DOCK5: variants seen among roughly 807,000 people sequenced by gnomAD.
DOCK5 encodes the protein dedicator of cytokinesis protein 5.
A neutral mutation model predicts 251.8 loss-of-function variants in DOCK5; 142 were observed. That is an observed-to-expected ratio of 0.56 (90% confidence interval 0.49 to 0.65). DOCK5 has a LOEUF of 0.65. Ranked by LOEUF, DOCK5 falls within the 30% of genes least tolerant of loss-of-function variation. The probability of loss-of-function intolerance (pLI) is 0.00; values close to 1 mark genes in which losing one functional copy is unlikely to be tolerated. For missense variants in DOCK5, 2,111 were observed against 2,312.3 expected, an observed-to-expected ratio of 0.91 and a Z score of 1.79; for synonymous variants, 842 against 835.5, an observed-to-expected ratio of 1.01 and a Z score of -0.13.
rs1223311690 is a variant in DOCK5 at position 25,243,666 on chromosome 8, A to G, written c.44-8A>G. On this transcript the variant is annotated splice_region_variant and splice_polypyrimidine_tract_variant and intron_variant, in intron 1 of 51. Coordinates refer to ENST00000276440, the MANE Select transcript of DOCK5 (RefSeq NM_024940.8). ...TTCTAATTTCCCTTTTTTATTTCTC[A>G]TTTCCAGCGATCTATAACTACAATG... is the stretch of plus-strand genomic sequence containing the variant. The G allele has an allele frequency of 5.0e-6, 8 of 1,611,812 alleles. No individual in the cohort carries two copies. The highest frequency in any genetic ancestry group is 1.3e-5 in the African/African-American group (1 of 74,806).
At position 25,346,755 on chromosome 8, in the gene DOCK5, C is replaced by T. The variant is rs1225034290; in HGVS notation, c.2754+1144C>T. On this transcript the variant is annotated intron_variant, in intron 26 of 51. Coordinates refer to ENST00000276440, the MANE Select transcript of DOCK5 (RefSeq NM_024940.8). ...AGGAGAATCCCTTGAACCTGGGAGG[C>T]GGAGGTTGCAGTGAGCCAAGATTGT... is the stretch of plus-strand genomic sequence containing the variant. Among the ~76,000 whole-genome samples, 3 of 97,146 alleles carry T rather than the reference C, an allele frequency of 3.1e-5. 1 individual carries two copies. Among genetic ancestry groups the T allele is most frequent in the Admixed American group, 2.0e-4 (2 of 10,202 alleles). The allele number at this position is 97,146 out of a possible 152,430, so 63.7% of individuals were successfully genotyped here. A position where few individuals can be genotyped will look rare whatever the true frequency, so the allele number is the denominator to read the frequency against.
At chr8:25,225,092 C>G (rs1450707808) in intron 1 of DOCK5, among the ~76,000 whole-genome samples, 1 of 152,090 alleles carries the variant, frequency 6.6e-6, no homozygotes, top group Admixed American at 6.5e-5. Flanking sequence ...AAACAAAAAC[C>G]AAAATAAATG....
rs187211115 is a variant in DOCK5, at chr8:25,405,682, T to C, written c.5093+1958T>C. 4.6e-5 allele frequency among the ~76,000 whole-genome samples: 7 copies of C among 152,356 alleles called. 1 individual carries two copies. ...CCTATTGCTATTTTTATTAGGATCA[T>C]GTTAAATGTATGGACTAACTTTAGG... On this transcript the variant is annotated intron_variant, in intron 48 of 51. Transcript: ENST00000276440.
intron 16 of DOCK5, among the ~76,000 whole-genome samples, chr8:25,321,634 C>T (rs775822860): frequency 6.6e-6 from 1 of 152,002 alleles, no homozygotes. Context: ...CAACAGGAGG[C>T]GGAGCTCAGG....
intron 1 of DOCK5, among the ~76,000 whole-genome samples, chr8:25,189,352 C>T (rs1424539376): frequency 6.6e-6 from 1 of 151,916 alleles, no homozygotes; most frequent in African/African-American, 2.4e-5. Flanking sequence ...AGCCATGAGC[C>T]TGGCTGATTT....
chr8:25,279,980 G>A (rs1804146845), intron 5 of DOCK5, among the ~76,000 whole-genome samples: 1 of 152,162 alleles, frequency 6.6e-6, no homozygotes, highest in Non-Finnish European at 1.5e-5. Context: ...GGGCAGGCTG[G>A]TCTTGAACTC....
At position 25,304,206 on chromosome 8, in the gene DOCK5, T is replaced by G. The variant is rs374271715; in HGVS notation, c.977-49T>G. 5.4e-6 allele frequency: 8 copies of G among 1,470,598 alleles called. No individual in the cohort carries two copies. In the African/African-American group the frequency reaches 1.1e-4, roughly 21 times the overall value. 91.1% of individuals were successfully genotyped at this position (1,470,598 alleles called of 1,614,324 possible). A position where few individuals can be genotyped will look rare whatever the true frequency, so the allele number is the denominator to read the frequency against. On this transcript the variant is annotated intron_variant, in intron 10 of 51. Transcript: ENST00000276440. ...ACTGTCCTTTTCCATAGTAACTTAC[T>G]GAGGCATGAAGCAATTAGTTTCTTT... is the stretch of plus-strand genomic sequence containing the variant.
intron 30 of DOCK5, among the ~76,000 whole-genome samples, chr8:25,366,616 C>T (rs939992044): frequency 1.3e-5 from 2 of 152,162 alleles, no homozygotes; most frequent in Non-Finnish European, 2.9e-5. Context: ...TAAATAGATA[C>T]ACTTCTTGGC....
intron 5 of DOCK5, among the ~76,000 whole-genome samples, chr8:25,288,075 G>A (rs193029800): frequency 2.6e-4 from 39 of 152,012 alleles, no homozygotes; most frequent in African/African-American, 9.2e-4. Context: ...TAGTAGAGAC[G>A]GGGTTTCACC....
Position 25,254,773 on chromosome 8 carries a change from C to CAAAAAAAAAAAAA in DOCK5, c.127+11025_127+11026insAAAAAAAAAAAAA, listed in dbSNP as rs745860086. Among the ~76,000 whole-genome samples, 5 of 6,566 alleles carry CAAAAAAAAAAAAA rather than the reference C, an allele frequency of 7.6e-4. 2 individuals are homozygous for CAAAAAAAAAAAAA. The highest frequency in any genetic ancestry group is 9.2e-4 in the African/African-American group (2 of 2,168). The allele number at this position is 6,566 out of a possible 152,430, so 4.3% of individuals were successfully genotyped here. A position where few individuals can be genotyped will look rare whatever the true frequency, so the allele number is the denominator to read the frequency against. ...CTGGCGACAAAGCAAGACTTTGTCT[C>CAAAAAAAAAAAAA]AAAAAAAAACAAAACAAAACAAAAA... is the stretch of plus-strand genomic sequence containing the variant. On this transcript the variant is annotated intron_variant, in intron 2 of 51. Transcript: ENST00000276440.
intron 31 of DOCK5, among the ~76,000 whole-genome samples, chr8:25,367,889 T>C (rs1294792101): frequency 6.6e-6 from 1 of 152,168 alleles, no homozygotes; most frequent in Non-Finnish European, 1.5e-5. Flanking sequence ...TTTTCATCAG[T>C]GTTTGCCGTG....
intron 13 of DOCK5, among the ~76,000 whole-genome samples, chr8:25,311,270 A>G (rs1469197657): frequency 6.6e-6 from 1 of 152,198 alleles, no homozygotes; most frequent in African/African-American, 2.4e-5. Flanking sequence ...TTGGCCGAGC[A>G]GGGTGGCTCA....
intron 38 of DOCK5, 112 bp from the exon 39 acceptor site, chr8:25,380,193 A>T: frequency 1.1e-6 from 1 of 873,130 alleles, no homozygotes; most frequent in Non-Finnish European, 1.8e-6. Flanking sequence ...ATCTACCGAA[A>T]CTCAATCCCC....
chr8:25,210,045 T>TATATATATATAA (rs1563309191), intron 1 of DOCK5, among the ~76,000 whole-genome samples: 1 of 20,650 alleles, frequency 4.8e-5, no homozygotes, highest in African/African-American at 2.3e-4. Flanking sequence ...AATGTGTGTG[T>TATATATATATAA]GTGTGTGTGT....
intron 1 of DOCK5, among the ~76,000 whole-genome samples, chr8:25,228,749 T>A (rs1338556498): frequency 1.3e-5 from 2 of 152,162 alleles, no homozygotes; most frequent in African/African-American, 4.8e-5. Context: ...TTTTCACATG[T>A]TTATTCTTCC....
At chr8:25,268,715 G>A (rs562025195) in intron 2 of DOCK5, 130 bp from the exon 3 acceptor site, 7 of 707,620 alleles carry the variant, frequency 9.9e-6, no homozygotes, top group African/African-American at 7.5e-5. Context: ...ATCTTCTAAC[G>A]TACTGTTAAT....
intron 26 of DOCK5, among the ~76,000 whole-genome samples, chr8:25,346,522 C>T (rs1470070733): frequency 6.6e-6 from 1 of 151,402 alleles, no homozygotes; most frequent in Non-Finnish European, 1.5e-5. Context: ...GGCCCCCATC[C>T]CTCTTGAAAA....
chr8:25,274,660 A>G (rs1483909491), intron 3 of DOCK5, among the ~76,000 whole-genome samples: 2 of 152,200 alleles, frequency 1.3e-5, no homozygotes, highest in African/African-American at 4.8e-5. Flanking sequence ...TGAGGTGCTG[A>G]AAATAACCAG....
chr8:25,335,049 C>T (rs1031095764), intron 21 of DOCK5, among the ~76,000 whole-genome samples: 1 of 152,218 alleles, frequency 6.6e-6, no homozygotes, highest in African/African-American at 2.4e-5. Context: ...CATTCCTCCC[C>T]AGAGCACTCA....
Sources: gnomAD v4.1 joint callset for allele counts (sites outside exome capture counted in the v4.1 genomes callset) on GRCh38, gnomAD v4.1.1 for gene constraint, MANE v1.5 for transcripts, NCBI Gene and HGNC (gene_info 2026-07-23, HGNC 2026-07-21) for gene names.